The following SLC37A3 variants were observed in gnomAD, a reference collection of about 807,000 sequenced individuals.
The protein encoded by SLC37A3 is sugar phosphate exchanger 3.
A neutral mutation model predicts 67.1 loss-of-function variants in SLC37A3; 51 were observed. The observed-to-expected ratio is 0.76, with a 90% CI of 0.61 to 0.96. The LOEUF is 0.96. Ranked by LOEUF, SLC37A3 falls within the 40% of genes least tolerant of loss-of-function variation. The pLI is 0.00. For synonymous variants in SLC37A3, 214 were observed against 231.4 expected (o/e 0.92, Z 0.68); for missense variants, 508 against 603.0 (o/e 0.84, Z 1.65).
intron 4 of SLC37A3, among the ~76,000 whole-genome samples, chr7:140,365,415 C>T (rs1001926394): frequency 6.6e-6 from 1 of 151,540 alleles, no homozygotes; most frequent in East Asian, 1.9e-4. Context: ...ATAGCAAGAA[C>T]CCATCTCTAA....
At chr7:140,337,411 A>G in intron 13 of SLC37A3, 62 bp from the exon 14 acceptor site, 1 of 1,354,646 alleles carries the variant, frequency 7.4e-7, no homozygotes, top group Non-Finnish European at 1.0e-6. Context: ...GGAAGCAGCT[A>G]AAAAGTAGAT....
rs78434865 is a variant in SLC37A3 at position 140,375,859 on chromosome 7, C to T, written c.198+4423G>A. Among the ~76,000 whole-genome samples, 1,329 of 152,326 alleles carry T rather than the reference C, an allele frequency of 8.7e-3. 19 individuals are homozygous for T. The highest frequency in any genetic ancestry group is 0.03 in the African/African-American group (1,242 of 41,562). ...AAGCAGTGCAGGCTCACACAGCTGACATCAAACAGTCTTTTCAGCAATGCC... is the reference window on the plus strand; with the variant it reads ...AAGCAGTGCAGGCTCACACAGCTGATATCAAACAGTCTTTTCAGCAATGCC... On this transcript the variant is annotated intron_variant, in intron 3 of 14. Coordinates refer to ENST00000326232, the MANE Select transcript of SLC37A3 (RefSeq NM_207113.3).
chr7:140,355,561 T>C (rs1796990172), intron 7 of SLC37A3, 107 bp downstream of exon 7: 2 of 1,028,948 alleles, frequency 1.9e-6, no homozygotes, highest in South Asian at 2.9e-5. Flanking sequence ...CCAGACACAG[T>C]TCTACATAGT....
At chr7:140,336,101 ACT>A (rs1486209141) in intron 14 of SLC37A3, among the ~76,000 whole-genome samples, 1 of 152,132 alleles carries the variant, frequency 6.6e-6, no homozygotes, top group Non-Finnish European at 1.5e-5. Flanking sequence ...TGCCTTCCAG[ACT>A]CTCTCAGGTA....
At chr7:140,341,381 G>A (rs780465035) in intron 13 of SLC37A3, among the ~76,000 whole-genome samples, 17 of 152,024 alleles carry the variant, frequency 1.1e-4, no homozygotes, top group Non-Finnish European at 1.9e-4. Flanking sequence ...CACCTGTCAC[G>A]GTGCATCACC....
chr7:140,382,306 C>G, intron 2 of SLC37A3, 132 bp downstream of exon 2: 3 of 746,082 alleles, frequency 4.0e-6, no homozygotes, highest in Non-Finnish European at 2.2e-6. Flanking sequence ...TTACAGCTAT[C>G]AAGACTACAA....
rs746477071 is a variant in SLC37A3 at position 140,364,499 on chromosome 7, T to C, written c.292-8A>G. On this transcript the variant is annotated splice_region_variant and splice_polypyrimidine_tract_variant and intron_variant, in intron 4 of 14. Coordinates refer to ENST00000326232, the MANE Select transcript of SLC37A3 (RefSeq NM_207113.3). ...GCCACTGATGAATAGGCCCTAAAAA[T>C]AAAGCATTTTCTTTTACAGCTCTAA... 2 of 1,612,906 alleles carry C rather than the reference T, an allele frequency of 1.2e-6. No homozygotes were observed.
intron 6 of SLC37A3, among the ~76,000 whole-genome samples, chr7:140,356,502 C>T (rs1276002214): frequency 6.6e-6 from 1 of 151,710 alleles, no homozygotes; most frequent in African/African-American, 2.4e-5. Flanking sequence ...ACCAACACGG[C>T]GAAACCCCGT....
chr7:140,384,456 A>G lies in SLC37A3; in HGVS notation c.-70-1860T>C, dbSNP rs115017632. ...GCTGGGCATGTTGGCTCATGCCTGT[A>G]ATCCCCACACTTTGGTAGGCCAAGG... On this transcript the variant is annotated intron_variant, in intron 1 of 14. Coordinates refer to ENST00000326232, the MANE Select transcript of SLC37A3 (RefSeq NM_207113.3). Among the ~76,000 whole-genome samples, 1,505 of 152,278 alleles carry G rather than the reference A, an allele frequency of 9.9e-3. 23 individuals are homozygous for G. Among genetic ancestry groups the G allele is most frequent in the African/African-American group, 0.034 (1,412 of 41,568 alleles).
chr7:140,343,253 C>A (rs992202461), intron 13 of SLC37A3, among the ~76,000 whole-genome samples, 159 bp downstream of exon 13: 1 of 152,154 alleles, frequency 6.6e-6, no homozygotes, highest in Non-Finnish European at 1.5e-5. Context: ...TACATTAGGA[C>A]GCATCAGCTG....
intron 3 of SLC37A3, chr7:140,379,570 A>G (rs1286236712): frequency 6.6e-6 from 1 of 152,128 alleles, no homozygotes. Flanking sequence ...GAAGGGAAAA[A>G]TCAGAAGTTG....
At chr7:140,341,470 G>A (rs1342785053) in intron 13 of SLC37A3, among the ~76,000 whole-genome samples, 2 of 152,072 alleles carry the variant, frequency 1.3e-5, no homozygotes, top group African/African-American at 4.8e-5. Context: ...TCTTTACTTG[G>A]GAAGTCAGGG....
At chr7:140,390,595 G>A (rs926736396) in intron 1 of SLC37A3, among the ~76,000 whole-genome samples, 10 of 151,990 alleles carry the variant, frequency 6.6e-5, no homozygotes, top group African/African-American at 2.4e-4. Context: ...AGATGTCAGG[G>A]ACTGATCTCC....
intron 3 of SLC37A3, among the ~76,000 whole-genome samples, chr7:140,370,149 G>GTTTTT (rs34474661): frequency 6.7e-6 from 1 of 149,114 alleles, no homozygotes; most frequent in Non-Finnish European, 1.5e-5. Flanking sequence ...GAAATAACTA[G>GTTTTT]TTTTTTTTTT....
intron 3 of SLC37A3, among the ~76,000 whole-genome samples, chr7:140,371,330 C>T (rs1351499611): frequency 3.3e-5 from 5 of 152,088 alleles, no homozygotes; most frequent in Non-Finnish European, 7.4e-5. Context: ...CGTGCCACCA[C>T]GCCCAGATAA....
intron 4 of SLC37A3, among the ~76,000 whole-genome samples, 190 bp from the exon 5 acceptor site, chr7:140,364,681 C>T (rs1264639671): frequency 6.7e-6 from 1 of 149,378 alleles, no homozygotes; most frequent in Non-Finnish European, 1.5e-5. Context: ...ATAACATGGT[C>T]AGTAATACAG....
At chr7:140,338,059 T>G (rs770116989) in intron 13 of SLC37A3, among the ~76,000 whole-genome samples, 12 of 151,896 alleles carry the variant, frequency 7.9e-5, no homozygotes, top group Non-Finnish European at 1.6e-4. Flanking sequence ...CCCGGCCAAT[T>G]TTTTGTATTT....
intron 3 of SLC37A3, among the ~76,000 whole-genome samples, chr7:140,374,750 C>T (rs963896409): frequency 6.6e-6 from 1 of 151,954 alleles, no homozygotes; most frequent in Non-Finnish European, 1.5e-5. Context: ...TGTCTGAGTA[C>T]AGGAGGCTGA....
In SLC37A3 at chr7:140,382,455, G is replaced by A. The variant is rs774367024; in HGVS notation, c.72C>T (p.Phe24=). Residue 24 remains phenylalanine, a synonymous_variant, in exon 2 of 15, where the codon TTC becomes TTT. Transcript: ENST00000326232. ...ATGCTTACCTGAAGAAAGTGAGCAG[G>A]AACACTACAACATGATGATGGCTGA... ...SQFSHHHVVV[F]LLTFFSYSLL... is the part of the protein sequence containing the mutation. 39 of 1,613,968 alleles carry A rather than the reference G, an allele frequency of 2.4e-5. 1 individual carries two copies. In the Admixed American group the frequency reaches 5.3e-4, roughly 22 times the overall value.
Sources: gnomAD v4.1 joint callset for allele counts (sites outside exome capture counted in the v4.1 genomes callset) on GRCh38, gnomAD v4.1.1 for gene constraint, MANE v1.5 for transcripts, NCBI Gene and HGNC (gene_info 2026-07-23, HGNC 2026-07-21) for gene names.